Variants in BICDL1 observed in about 807,000 individuals in gnomAD.
BICDL1 encodes BICD family like cargo adaptor 1, also known as BICD family-like cargo adapter 1.
BICDL1 carries 20 observed loss-of-function variants against 76.8 expected under a neutral mutation model. That is an observed-to-expected ratio of 0.26 (90% CI 0.18 to 0.38). The LOEUF (loss-of-function observed/expected upper bound fraction) is 0.38. Among genes scored for constraint, BICDL1 ranks in the 10% least tolerant of loss-of-function variants. The pLI is 1.00. For missense variants in BICDL1, 700 were observed against 798.6 expected (o/e 0.88, Z 1.49); for synonymous variants, 383 against 337.1 (o/e 1.14, Z -1.49).
chr12:119,991,943 T>G (rs1370925962), intron 1 of BICDL1, among the ~76,000 whole-genome samples: 1 of 152,250 alleles, frequency 6.6e-6, no homozygotes, highest in Non-Finnish European at 1.5e-5. Context: ...AACAATAGTT[T>G]AAAACTCTTT....
chr12:120,048,682 A>C (rs182056626), intron 2 of BICDL1, among the ~76,000 whole-genome samples: 1 of 152,232 alleles, frequency 6.6e-6, no homozygotes, highest in East Asian at 1.9e-4. Context: ...AGTTCACTTA[A>C]CTGATTTTCT....
intron 2 of BICDL1, among the ~76,000 whole-genome samples, chr12:120,045,445 T>C (rs925164230): frequency 5.3e-5 from 8 of 152,300 alleles, no homozygotes; most frequent in Middle Eastern, 3.4e-3. Context: ...CTATAAATCA[T>C]GCTGCTTTAA....
intron 6 of BICDL1, among the ~76,000 whole-genome samples, chr12:120,074,202 C>T (rs555545152): frequency 2.6e-5 from 4 of 152,186 alleles, no homozygotes; most frequent in South Asian, 2.1e-4. Context: ...TGAGCCACTG[C>T]GCCCGGCCAC....
intron 2 of BICDL1, among the ~76,000 whole-genome samples, chr12:120,040,777 T>G (rs1467035934): frequency 7.5e-6 from 1 of 133,016 alleles, no homozygotes; most frequent in Non-Finnish European, 1.5e-5. Flanking sequence ...GTAGACAGTC[T>G]CACTCTGTCG....
Position 120,093,122 on chromosome 12 carries a change from T to A in BICDL1, c.1827T>A (p.Ala609=). ...GGCGGGGGGATGAGCCCAGCATCGC[T>A]GAAGGCAAACGACTCTTCTCATTCT... The part of the protein sequence containing the change: ...SAGRGDEPSI[A]EGKRLFSFFR... The change falls in exon 10 of 10, where the codon GCT becomes GCA. Residue 609 remains alanine (A), a synonymous_variant. Coordinates refer to ENST00000548673, the MANE Select transcript of BICDL1 (RefSeq NM_001367886.1). 1.2e-6 allele frequency: 2 copies of A among 1,613,518 alleles called. No individual in the cohort carries two copies. The highest frequency in any genetic ancestry group is 8.5e-7 in the Non-Finnish European group (1 of 1,179,640).
chr12:119,999,717 A>G, intron 2 of BICDL1: 2 of 408,170 alleles, frequency 4.9e-6, no homozygotes. Context: ...AAACAAATGC[A>G]GGAATGTTAT....
intron 1 of BICDL1, among the ~76,000 whole-genome samples, chr12:119,991,654 AAAG>A (rs1450960738): frequency 1.3e-5 from 2 of 152,234 alleles, no homozygotes; most frequent in African/African-American, 2.4e-5. Context: ...ACGACTTTGT[AAAG>A]AAGTACAACT....
chr12:119,992,798 C>T (rs1377283118), intron 1 of BICDL1: 1 of 152,144 alleles, frequency 6.6e-6, no homozygotes, highest in Admixed American at 6.5e-5. Flanking sequence ...CACAAACTGT[C>T]GGACATTTGG....
chr12:120,021,128 C>A (rs550951965), intron 2 of BICDL1, among the ~76,000 whole-genome samples: 1 of 151,934 alleles, frequency 6.6e-6, no homozygotes, highest in African/African-American at 2.4e-5. Context: ...ACTAAAAATA[C>A]AAAAAATTAG....
Position 120,072,717 on chromosome 12 carries a change from C to T in BICDL1, c.1296C>T (p.Gly432=). 1 of 1,612,322 alleles carries T rather than the reference C, an allele frequency of 6.2e-7. No homozygotes were observed. Among genetic ancestry groups the T allele is most frequent in the Non-Finnish European group, 8.5e-7 (1 of 1,179,700 alleles). Residue 432 remains glycine, a synonymous_variant, in exon 6 of 10, where the codon GGC becomes GGT. Transcript: ENST00000548673. ...LKRLIQSIVD[G]MEPTGSRRLD... is the part of the protein sequence containing the mutation. ...GACTGATACAGAGCATTGTGGATGGCATGGAGCCCACGGTAAGAGGCCAGT... is the reference window on the plus strand; with the variant it reads ...GACTGATACAGAGCATTGTGGATGGTATGGAGCCCACGGTAAGAGGCCAGT...
At chr12:120,049,276 A>G (rs1952808873) in intron 2 of BICDL1, among the ~76,000 whole-genome samples, 1 of 152,216 alleles carries the variant, frequency 6.6e-6, no homozygotes, top group African/African-American at 2.4e-5. Flanking sequence ...GGAAAGAACA[A>G]GGATAAAGGG....
chr12:120,029,476 G>A (rs1952377385), intron 2 of BICDL1, among the ~76,000 whole-genome samples: 1 of 152,204 alleles, frequency 6.6e-6, no homozygotes, highest in East Asian at 1.9e-4. Flanking sequence ...AGTATTTACA[G>A]CAGCTTTCTT....
intron 2 of BICDL1, among the ~76,000 whole-genome samples, chr12:120,028,825 T>C (rs1952362522): frequency 1.3e-5 from 2 of 152,190 alleles, no homozygotes; most frequent in Admixed American, 1.3e-4. Flanking sequence ...AAGTCTAGCC[T>C]GGACAACATA....
At chr12:120,089,023 C>T (rs529451272) in intron 8 of BICDL1, among the ~76,000 whole-genome samples, 1 of 152,322 alleles carries the variant, frequency 6.6e-6, no homozygotes, top group South Asian at 2.1e-4. Flanking sequence ...CACTTGGCTA[C>T]TCTGACTAGC....
intron 2 of BICDL1, among the ~76,000 whole-genome samples, chr12:120,047,892 A>G (rs1952779398): frequency 6.6e-6 from 1 of 152,128 alleles, no homozygotes; most frequent in Admixed American, 6.5e-5. Context: ...TCTCATCTTC[A>G]GCTACTTAAG....
intron 4 of BICDL1, among the ~76,000 whole-genome samples, chr12:120,069,744 G>A (rs146369194): frequency 7.2e-5 from 11 of 152,220 alleles, no homozygotes; most frequent in African/African-American, 2.6e-4. Flanking sequence ...TAAGGGGACA[G>A]CCCAATTAAT....
chr12:120,050,960 G>A (rs1056151831), intron 2 of BICDL1, among the ~76,000 whole-genome samples: 1 of 151,736 alleles, frequency 6.6e-6, no homozygotes, highest in African/African-American at 2.4e-5. Context: ...TTATTATTTT[G>A]TATTTCTAGA....
chr12:120,070,029 G>A (rs1028040793), intron 4 of BICDL1, among the ~76,000 whole-genome samples: 3 of 152,062 alleles, frequency 2.0e-5, no homozygotes, highest in African/African-American at 4.8e-5. Flanking sequence ...TGAACATACC[G>A]CAATTCACTT....
At chr12:120,051,592 T>TAAG (rs1952861070) in intron 2 of BICDL1, among the ~76,000 whole-genome samples, 1 of 152,174 alleles carries the variant, frequency 6.6e-6, no homozygotes, top group South Asian at 2.1e-4. Flanking sequence ...CAAAGAGGAT[T>TAAG]TGCGTTTTCT....
Sources: allele counts gnomAD v4.1 joint callset (sites outside exome capture counted in the v4.1 genomes callset), GRCh38; gene constraint gnomAD v4.1.1; transcripts MANE v1.5; gene names NCBI Gene and HGNC (gene_info 2026-07-23, HGNC 2026-07-21).